FOXI1: variants seen among roughly 807,000 people sequenced by gnomAD.
FOXI1 encodes forkhead box I1, also known as forkhead box protein I1.
FOXI1 carries 11 observed loss-of-function variants against 16.4 expected under a neutral mutation model. The ratio of observed to expected loss-of-function variants is 0.67; its 90% CI spans 0.42 to 1.11. FOXI1 has a LOEUF of 1.11. Among genes scored for constraint, FOXI1 ranks in the 50% least tolerant of loss-of-function variants. FOXI1 has a pLI of 0.00. For synonymous variants in FOXI1, 218 were observed against 211.5 expected (o/e 1.03, Z -0.27); for missense variants, 480 against 506.1 (o/e 0.95, Z 0.49).
At chr5:170,106,625 GCC>G in intron 1 of FOXI1, 94 bp downstream of exon 1, 1 of 1,542,618 alleles carries the variant, frequency 6.5e-7, no homozygotes, top group Non-Finnish European at 8.8e-7. Context: ...CTAGGGCTGT[GCC>G]CCCCAAGACT....
Position 170,106,198 on chromosome 5 carries a change from G to T in FOXI1, c.241G>T (p.Ala81Ser). 6.3e-7 allele frequency: 1 copy of T among 1,583,018 alleles called. No individual in the cohort carries two copies. The highest frequency in any genetic ancestry group is 8.6e-7 in the Non-Finnish European group (1 of 1,163,818). ...TPPPYLPGPN[A>S]SPFLPQAYGV... ...GCCACCCTACCTGCCCGGCCCCAACGCCAGCCCCTTCCTGCCCCAGGCCTA... is the reference window on the plus strand; with the variant it reads ...GCCACCCTACCTGCCCGGCCCCAACTCCAGCCCCTTCCTGCCCCAGGCCTA... Residue 81 changes from alanine to serine, a missense_variant, in exon 1 of 2, where the codon GCC becomes TCC. This residue lies in a region of FOXI1 where 219 missense variants were observed against 222.9 expected (regional missense o/e 0.98). Transcript: ENST00000306268.
chr5:170,108,085 A>T lies in FOXI1; in HGVS notation c.611A>T (p.Glu204Val). Residue 204 changes from glutamate (E) to valine (V), a missense_variant, in exon 2 of 2, where the codon GAG (glutamate) becomes GTG (valine). By Grantham distance (121) the Glu-to-Val change is moderately radical. Around this residue, in one of 3 missense-constraint regions of FOXI1, gnomAD observed 257 missense variants for 262.2 expected, o/e 0.98. Transcript: ENST00000306268. ...GNYWTLDPNC[E>V]KMFDNGNFRR... ...TACTGGACCCTGGACCCCAACTGTG[A>T]GAAAATGTTCGACAATGGAAATTTC... is the stretch of plus-strand genomic sequence containing the variant. 1 of 1,614,184 alleles carries T rather than the reference A, an allele frequency of 6.2e-7. No individual in the cohort carries two copies. Among genetic ancestry groups the T allele is most frequent in the Non-Finnish European group, 8.5e-7 (1 of 1,180,026 alleles).
At chr5:170,107,573 G>C (rs144147190) in intron 1 of FOXI1, among the ~76,000 whole-genome samples, 1 of 152,242 alleles carries the variant, frequency 6.6e-6, no homozygotes, top group Admixed American at 6.5e-5. Context: ...CAGGGGCAAT[G>C]GGCCCACTTT....
In FOXI1 at chr5:170,105,919, A is replaced by G. The variant is rs1466721127; in HGVS notation, c.-39A>G. 2.1e-5 allele frequency: 30 copies of G among 1,460,918 alleles called. No individual in the cohort carries two copies. In the Admixed American group the frequency reaches 5.1e-4, roughly 25 times the overall value. The allele number at this position is 1,460,918 out of a possible 1,614,324, so 90.5% of individuals were successfully genotyped here. A position where few individuals can be genotyped will look rare whatever the true frequency, so the allele number is the denominator to read the frequency against. On this transcript the variant is annotated 5_prime_UTR_variant, in exon 1 of 2. Transcript: ENST00000306268. ...CCTGTCAGGGGCAGCTCCGGGGTGCAGGTGCCAGGCAGGTGGCTCCGGCCA... is the reference window on the plus strand; with the variant it reads ...CCTGTCAGGGGCAGCTCCGGGGTGCGGGTGCCAGGCAGGTGGCTCCGGCCA...
At position 170,106,518 on chromosome 5, in the gene FOXI1, C is replaced by G. The variant is rs770762547; in HGVS notation, c.561C>G (p.Asp187Glu). The change falls in exon 1 of 2, where the codon GAC (aspartate) becomes GAG (glutamate). Residue 187 changes from aspartate (D) to glutamate (E), a missense_variant. This residue lies in a region of FOXI1 where 257 missense variants were observed against 262.2 expected (regional missense o/e 0.98). Transcript: ENST00000306268. ...LNDCFKKVPR[D>E]EDDPGKGNYW... ...ACTGCTTCAAGAAGGTGCCCCGCGACGAGGACGACCCGGGTAAGGAGGCTT... is the reference window on the plus strand; with the variant it reads ...ACTGCTTCAAGAAGGTGCCCCGCGAGGAGGACGACCCGGGTAAGGAGGCTT... The G allele has an allele frequency of 1.2e-6, 2 of 1,614,244 alleles. No homozygotes were observed. The highest frequency in any genetic ancestry group is 2.2e-5 in the East Asian group (1 of 44,878).
rs1758571160 is a variant in FOXI1, at chr5:170,108,514, G to A, written c.1040G>A (p.Ser347Asn). 1 of 1,608,606 alleles carries A rather than the reference G, an allele frequency of 6.2e-7. No homozygotes were observed. The highest frequency in any genetic ancestry group is 8.5e-7 in the Non-Finnish European group (1 of 1,176,672). Residue 347 changes from serine (S) to asparagine (N), a missense_variant, in exon 2 of 2, where the codon AGC becomes AAC. Physicochemically the swap from Ser to Asn is conservative, Grantham distance 46 (BLOSUM62 1). Around this residue, in one of 3 missense-constraint regions of FOXI1, gnomAD observed 257 missense variants for 262.2 expected, o/e 0.98. Coordinates refer to ENST00000306268, the MANE Select transcript of FOXI1 (RefSeq NM_012188.5). Reference protein sequence around the residue: ...WANPMPTNMLSYGGSVLSQFS... With the variant: ...WANPMPTNMLNYGGSVLSQFS... ...AACCCCATGCCCACCAACATGCTCA[G>A]CTATGGAGGATCTGTGCTCAGCCAA... is the stretch of plus-strand genomic sequence containing the variant.
chr5:170,108,300 C>T lies in FOXI1; in HGVS notation c.826C>T (p.Pro276Ser). 3 of 1,614,160 alleles carry T rather than the reference C, an allele frequency of 1.9e-6. No individual in the cohort carries two copies. Among genetic ancestry groups the T allele is most frequent in the Non-Finnish European group, 2.5e-6 (3 of 1,180,042 alleles). The change falls in exon 2 of 2, where the codon CCT becomes TCT. Residue 276 changes from proline to serine, a missense_variant. Transcript: ENST00000306268. ...GCCCTCCCCTCCCCCATCAGGCGCC[C>T]CTTGCCTTAACAGCTTCCTTTCCTC... The part of the protein sequence containing the change: ...KRPSPPPSGA[P>S]CLNSFLSSMT...
chr5:170,108,691 C>T lies in FOXI1; in HGVS notation c.*80C>T. 1.8e-6 allele frequency: 2 copies of T among 1,138,030 alleles called. No individual in the cohort carries two copies. The highest frequency in any genetic ancestry group is 2.5e-5 in the South Asian group (2 of 80,906). 70.5% of individuals were successfully genotyped at this position (1,138,030 alleles called of 1,614,324 possible). On this transcript the variant is annotated 3_prime_UTR_variant, in exon 2 of 2. Coordinates refer to ENST00000306268, the MANE Select transcript of FOXI1 (RefSeq NM_012188.5). Reference sequence around the variant, plus strand: ...TCCTCCATGCCAGCCCCACGGTGGTCCATGACTGCGGAACTGCCCAGACAT... The same window carrying T: ...TCCTCCATGCCAGCCCCACGGTGGTTCATGACTGCGGAACTGCCCAGACAT...
intron 1 of FOXI1, 38 bp downstream of exon 1, chr5:170,106,569 A>G (rs758669249): frequency 6.2e-7 from 1 of 1,612,696 alleles, no homozygotes; most frequent in South Asian, 1.1e-5. Flanking sequence ...TCCCCAAGGA[A>G]GACTCACTTC....
intron 1 of FOXI1, 73 bp downstream of exon 1, chr5:170,106,604 G>C (rs1179841052): frequency 6.3e-7 from 1 of 1,583,402 alleles, no homozygotes; most frequent in African/African-American, 1.3e-5. Flanking sequence ...CCCCATTCTA[G>C]AAAGTTCTGA....
In FOXI1 at chr5:170,108,546, C is replaced by T. The variant is rs1340942654; in HGVS notation, c.1072C>T (p.Pro358Ser). Residue 358 changes from proline (P) to serine (S), a missense_variant, in exon 2 of 2, where the codon CCT becomes TCT. Physicochemically the swap from Pro to Ser is moderately conservative, Grantham distance 74. Coordinates refer to ENST00000306268, the MANE Select transcript of FOXI1 (RefSeq NM_012188.5). Reference protein sequence around the residue: ...YGGSVLSQFSPHFYNSVNTSG... With the variant: ...YGGSVLSQFSSHFYNSVNTSG... Reference sequence around the variant, plus strand: ...AGGATCTGTGCTCAGCCAATTCAGCCCTCACTTCTACAACAGTGTCAACAC... The same window carrying T: ...AGGATCTGTGCTCAGCCAATTCAGCTCTCACTTCTACAACAGTGTCAACAC... 43 of 1,613,090 alleles carry T rather than the reference C, an allele frequency of 2.7e-5. No individual in the cohort carries two copies. Among genetic ancestry groups the T allele is most frequent in the Non-Finnish European group, 3.4e-5 (40 of 1,179,646 alleles).
At position 170,108,852 on chromosome 5, in the gene FOXI1, G is replaced by C. The variant is rs1250086570; in HGVS notation, c.*241G>C. On this transcript the variant is annotated 3_prime_UTR_variant, in exon 2 of 2. Transcript: ENST00000306268. ...GTGCCTGCAGAGCAGCACTAACAGT[G>C]GCAGGTGCTGTACTAGGCTCTGTAC... is the stretch of plus-strand genomic sequence containing the variant. The C allele has an allele frequency of 3.5e-6, 2 of 574,712 alleles. No homozygotes were observed. The highest frequency in any genetic ancestry group is 6.2e-6 in the Non-Finnish European group (2 of 321,184). The allele number at this position is 574,712 out of a possible 1,614,324, so 35.6% of individuals were successfully genotyped here.
intron 1 of FOXI1, 68 bp downstream of exon 1, chr5:170,106,599 T>C: frequency 6.3e-7 from 1 of 1,589,286 alleles, no homozygotes; most frequent in African/African-American, 1.3e-5. Flanking sequence ...CAAGACCCCA[T>C]TCTAGAAAGT....
rs752331785 is a variant in FOXI1, at chr5:170,106,037, A to C, written c.80A>C (p.Glu27Ala). 2.6e-5 allele frequency: 42 copies of C among 1,612,352 alleles called. No homozygotes were observed. Among genetic ancestry groups the C allele is most frequent in the Non-Finnish European group, 3.5e-5 (41 of 1,178,886 alleles). ...QFPSIGQEPPEMNLYYENFFH... is the reference protein window; with the variant it reads ...QFPSIGQEPPAMNLYYENFFH... ...CCCAGCATCGGCCAGGAGCCCCCCG[A>C]GATGAACCTCTACTATGAGAACTTC... Residue 27 changes from glutamate (E) to alanine (A), a missense_variant, in exon 1 of 2, where the codon GAG becomes GCG. By Grantham distance (107) the Glu-to-Ala change is moderately radical (BLOSUM62 -1). Coordinates refer to ENST00000306268, the MANE Select transcript of FOXI1 (RefSeq NM_012188.5).
In FOXI1 at chr5:170,108,672, A is replaced by C. The variant is rs1027542503; in HGVS notation, c.*61A>C. 4 of 1,322,520 alleles carry C rather than the reference A, an allele frequency of 3.0e-6. No homozygotes were observed. The African/African-American group carries it at 5.8e-5, about 19-fold the overall frequency. The allele number at this position is 1,322,520 out of a possible 1,614,324, so 81.9% of individuals were successfully genotyped here. On this transcript the variant is annotated 3_prime_UTR_variant, in exon 2 of 2. Transcript: ENST00000306268. Reference sequence around the variant, plus strand: ...GAGAGAAAAGCAGTAGAGGTCCTCCATGCCAGCCCCACGGTGGTCCATGAC... The same window carrying C: ...GAGAGAAAAGCAGTAGAGGTCCTCCCTGCCAGCCCCACGGTGGTCCATGAC...
At chr5:170,107,740 C>T (rs1758534642) in intron 1 of FOXI1, among the ~76,000 whole-genome samples, 1 of 152,222 alleles carries the variant, frequency 6.6e-6, no homozygotes, top group African/African-American at 2.4e-5. Context: ...CTCCAACCCC[C>T]AACCCCCAAA....
At position 170,108,378 on chromosome 5, in the gene FOXI1, C is replaced by T. The variant is rs762292199; in HGVS notation, c.904C>T (p.Pro302Ser). The T allele has an allele frequency of 1.2e-6, 2 of 1,614,186 alleles. No individual in the cohort carries two copies. The highest frequency in any genetic ancestry group is 4.5e-5 in the East Asian group (2 of 44,878). ...GSPTSHPLVT[P>S]GLSPEPSDKT... ...CCCCACGAGCCACCCCTTGGTCACA[C>T]CAGGACTGAGCCCTGAGCCCAGTGA... Residue 302 changes from proline (P) to serine (S), a missense_variant, in exon 2 of 2, where the codon CCA (proline) becomes TCA (serine). Pro to Ser is a moderately conservative substitution (Grantham distance 74). This residue lies in a region of FOXI1 where 257 missense variants were observed against 262.2 expected (regional missense o/e 0.98). Transcript: ENST00000306268.
Position 170,108,232 on chromosome 5 carries a change from A to T in FOXI1, c.758A>T (p.Asp253Val), listed in dbSNP as rs1307416590. ...PKTTEPQDIL[D>V]GASPGGTTSS... is the part of the protein sequence containing the mutation. ...ACCACGGAGCCTCAGGACATCTTGGATGGAGCCTCACCAGGGGGCACCACC... is the reference window on the plus strand; with the variant it reads ...ACCACGGAGCCTCAGGACATCTTGGTTGGAGCCTCACCAGGGGGCACCACC... Residue 253 changes from aspartate (D) to valine (V), a missense_variant, in exon 2 of 2, where the codon GAT (aspartate) becomes GTT (valine). By Grantham distance (152) the Asp-to-Val change is radical. This residue lies in a region of FOXI1 where 257 missense variants were observed against 262.2 expected (regional missense o/e 0.98). Transcript: ENST00000306268. 1.4e-5 allele frequency: 23 copies of T among 1,614,086 alleles called. 1 individual carries two copies. Among genetic ancestry groups the T allele is most frequent in the Non-Finnish European group, 1.9e-5 (22 of 1,180,038 alleles).
At chr5:170,106,661 G>A in intron 1 of FOXI1, 130 bp downstream of exon 1, 3 of 1,376,570 alleles carry the variant, frequency 2.2e-6, no homozygotes, top group Middle Eastern at 3.6e-4. Flanking sequence ...AGGCAGGACA[G>A]AGGGGAGCTC....
Sources: gnomAD v4.1 joint callset for allele counts (sites outside exome capture counted in the v4.1 genomes callset) on GRCh38, gnomAD v4.1.1 for gene constraint, gnomAD v4.1.1 regional missense constraint, MANE v1.5 for transcripts, NCBI Gene and HGNC (gene_info 2026-07-23, HGNC 2026-07-21) for gene names.